Variants in MSRA observed in about 807,000 individuals in gnomAD.
MSRA encodes the protein methionine sulfoxide reductase A.
MSRA carries 54 observed loss-of-function variants against 31.3 expected under a neutral mutation model. The observed-to-expected ratio is 1.73, with a 90% CI of 1.39 to 2.17. The LOEUF is 2.17. MSRA is among the 30% of genes most tolerant of loss of function. The probability of loss-of-function intolerance (pLI) is 0.00; values close to 1 mark genes in which losing one functional copy is unlikely to be tolerated. For synonymous variants in MSRA, 169 were observed against 116.5 expected (o/e 1.45, Z -2.90); for missense variants, 507 against 300.9 (o/e 1.69, Z -5.07).
intron 1 of MSRA, among the ~76,000 whole-genome samples, chr8:10,074,222 A>G (rs935092956): frequency 6.6e-6 from 1 of 151,548 alleles, no homozygotes; most frequent in Non-Finnish European, 1.5e-5. Flanking sequence ...ACCTGGGACT[A>G]CATGCACCCG....
chr8:10,058,458 T>C (rs1340593731), intron 1 of MSRA, among the ~76,000 whole-genome samples: 1 of 152,176 alleles, frequency 6.6e-6, no homozygotes, highest in Non-Finnish European at 1.5e-5. Context: ...ATATAAGTAA[T>C]CCAGATTGAC....
At chr8:10,397,808 T>C (rs1196694123) in intron 5 of MSRA, among the ~76,000 whole-genome samples, 2 of 152,242 alleles carry the variant, frequency 1.3e-5, no homozygotes, top group Non-Finnish European at 2.9e-5. Context: ...TTCTGTTTTC[T>C]CATAGTCTCA....
chr8:10,322,812 C>T (rs1802123076), intron 5 of MSRA, among the ~76,000 whole-genome samples: 1 of 152,154 alleles, frequency 6.6e-6, no homozygotes, highest in Middle Eastern at 3.2e-3. Context: ...GCAGAAGAGG[C>T]AGGGCACAGT....
chr8:10,110,279 TTGG>T (rs1435522096), intron 1 of MSRA, among the ~76,000 whole-genome samples: 3 of 152,252 alleles, frequency 2.0e-5, no homozygotes, highest in African/African-American at 7.2e-5. Context: ...CAGGTTTTCT[TTGG>T]TGGTTTTATT....
intron 5 of MSRA, chr8:10,337,408 T>G (rs1191396717): frequency 1.0e-5 from 3 of 298,186 alleles, no homozygotes; most frequent in Non-Finnish European, 1.3e-5. Context: ...CTGGATCTCC[T>G]GACCTCGTGA....
chr8:10,054,850 T>A (rs559055222), intron 1 of MSRA, among the ~76,000 whole-genome samples, 192 bp downstream of exon 1: 1 of 152,140 alleles, frequency 6.6e-6, no homozygotes, highest in Non-Finnish European at 1.5e-5. Context: ...GACGTCCCTT[T>A]GTCTTTGTTT....
At chr8:10,136,231 A>G (rs900776953) in intron 1 of MSRA, among the ~76,000 whole-genome samples, 1 of 152,148 alleles carries the variant, frequency 6.6e-6, no homozygotes, top group Non-Finnish European at 1.5e-5. Flanking sequence ...CACATTGGTG[A>G]AGGGAGCCAG....
chr8:10,214,742 G>A (rs1039344973), intron 2 of MSRA, among the ~76,000 whole-genome samples: 2 of 152,174 alleles, frequency 1.3e-5, no homozygotes, highest in African/African-American at 2.4e-5. Flanking sequence ...AGAACACTTG[G>A]AGAGATAAAA....
chr8:10,081,644 G>C (rs752195685), intron 1 of MSRA, among the ~76,000 whole-genome samples: 2 of 152,030 alleles, frequency 1.3e-5, no homozygotes, highest in African/African-American at 2.4e-5. Context: ...CGCCCACAAC[G>C]ACGCCTGACA....
intron 5 of MSRA, among the ~76,000 whole-genome samples, chr8:10,367,542 C>A (rs1195170152): frequency 6.6e-6 from 1 of 152,196 alleles, no homozygotes; most frequent in African/African-American, 2.4e-5. Context: ...AGTCACTGTA[C>A]AAGGCATGCA....
chr8:10,244,344 G>C (rs1420473936), intron 2 of MSRA, among the ~76,000 whole-genome samples: 1 of 152,198 alleles, frequency 6.6e-6, no homozygotes, highest in Non-Finnish European at 1.5e-5. Context: ...ACGTGCGTGA[G>C]TGTGTGTGCT....
At chr8:10,244,354 T>C (rs1187877605) in intron 2 of MSRA, among the ~76,000 whole-genome samples, 1 of 152,180 alleles carries the variant, frequency 6.6e-6, no homozygotes, top group Non-Finnish European at 1.5e-5. Flanking sequence ...GTGTGTGTGC[T>C]CTTGGGAGAT....
Position 10,098,433 on chromosome 8 carries a change from TA to T in MSRA, c.142+43776del, listed in dbSNP as rs747710106. On this transcript the variant is annotated intron_variant, in intron 1 of 5. Transcript: ENST00000317173. ...CTCAGGAAGCGTTAGTCCAGTATTT[TA>T]TAATTACTCGCTCATTTATTCATTT... Among the ~76,000 whole-genome samples the T allele has an allele frequency of 1.5e-4, 23 of 152,218 alleles. 1 individual carries two copies. Among genetic ancestry groups the T allele is most frequent in the Non-Finnish European group, 2.9e-4 (20 of 68,032 alleles).
intron 1 of MSRA, among the ~76,000 whole-genome samples, chr8:10,163,209 A>G (rs114105398): frequency 0.022 from 3,289 of 152,124 alleles, 112 homozygotes; most frequent in African/African-American, 0.074. Flanking sequence ...TGAGAAATAC[A>G]CTTGTGGTGT....
At chr8:10,378,635 C>A (rs73662823) in intron 5 of MSRA, among the ~76,000 whole-genome samples, 1 of 152,192 alleles carries the variant, frequency 6.6e-6, no homozygotes, top group Non-Finnish European at 1.5e-5. Context: ...AGCAGCTCCG[C>A]GTCCCTTCTT....
rs114129628 is a variant in MSRA at position 10,093,742 on chromosome 8, C to T, written c.142+39084C>T. ...TATATTTCTTCATTGATTTGATTTA[C>T]TGTCTAGTGTCTTTTCATTTCAGCT... On this transcript the variant is annotated intron_variant, in intron 1 of 5. Coordinates refer to ENST00000317173, the MANE Select transcript of MSRA (RefSeq NM_012331.5). Among the ~76,000 whole-genome samples, 299 of 152,260 alleles carry T rather than the reference C, an allele frequency of 2.0e-3. 2 individuals carry two copies. Among genetic ancestry groups the T allele is most frequent in the African/African-American group, 6.8e-3 (284 of 41,554 alleles).
intron 1 of MSRA, among the ~76,000 whole-genome samples, chr8:10,071,009 A>G (rs919485550): frequency 1.3e-5 from 2 of 152,206 alleles, no homozygotes; most frequent in African/African-American, 4.8e-5. Context: ...ATCTGGAGTA[A>G]GTGCCCAGGA....
At chr8:10,122,188 G>C (rs1304159283) in intron 1 of MSRA, among the ~76,000 whole-genome samples, 2 of 152,122 alleles carry the variant, frequency 1.3e-5, no homozygotes, top group Admixed American at 1.3e-4. Context: ...CTCGCCATGA[G>C]AATTGATGTA....
At chr8:10,288,639 G>T (rs192701804) in intron 3 of MSRA, among the ~76,000 whole-genome samples, 182 of 152,168 alleles carry the variant, frequency 1.2e-3, no homozygotes, top group African/African-American at 4.1e-3. Flanking sequence ...TTCAGTGTGG[G>T]TCTGAGTTAT....
Sources: gnomAD v4.1 joint callset for allele counts (sites outside exome capture counted in the v4.1 genomes callset) on GRCh38, gnomAD v4.1.1 for gene constraint, MANE v1.5 for transcripts, NCBI Gene and HGNC (gene_info 2026-07-23, HGNC 2026-07-21) for gene names.